Variants in DDX10 observed in about 807,000 individuals in gnomAD.
DDX10 encodes probable ATP-dependent RNA helicase DDX10.
A neutral mutation model predicts 104.3 loss-of-function variants in DDX10; 74 were observed. That is an observed-to-expected ratio of 0.71 (90% CI 0.59 to 0.86). The LOEUF (loss-of-function observed/expected upper bound fraction) is 0.86, where lower values mean the gene tolerates loss of function less well. Among genes scored for constraint, DDX10 ranks in the 40% least tolerant of loss-of-function variants. DDX10 has a pLI of 0.00. For synonymous variants in DDX10, 351 were observed against 353.4 expected (o/e 0.99, Z 0.08); for missense variants, 952 against 1,040.0 (o/e 0.92, Z 1.16).
chr11:108,791,636 C>T (rs1200319569), intron 13 of DDX10, among the ~76,000 whole-genome samples: 1 of 152,196 alleles, frequency 6.6e-6, no homozygotes, highest in Non-Finnish European at 1.5e-5. Context: ...TCCTCAGCCC[C>T]TGGCAACTGA....
chr11:108,891,764 T>C (rs951485411), intron 16 of DDX10, among the ~76,000 whole-genome samples: 4 of 152,144 alleles, frequency 2.6e-5, no homozygotes, highest in African/African-American at 7.2e-5. Context: ...ATTGTTGTCA[T>C]AATTTACACT....
intron 13 of DDX10, among the ~76,000 whole-genome samples, chr11:108,740,841 C>T (rs750216501): frequency 2.2e-4 from 34 of 151,892 alleles, no homozygotes; most frequent in African/African-American, 4.3e-4. Context: ...TTTTGCTTGT[C>T]GATTTAAGTT....
intron 1 of DDX10, among the ~76,000 whole-genome samples, chr11:108,673,072 T>G (rs1460387303): frequency 6.6e-6 from 1 of 152,272 alleles, no homozygotes; most frequent in Non-Finnish European, 1.5e-5. Context: ...CTATTTTCAT[T>G]GTGATCTGTG....
At chr11:108,694,750 G>A (rs1360435518) in intron 9 of DDX10, among the ~76,000 whole-genome samples, 1 of 152,126 alleles carries the variant, frequency 6.6e-6, no homozygotes. Flanking sequence ...GAGTGGTGGT[G>A]TGCGCCTGTA....
intron 16 of DDX10, among the ~76,000 whole-genome samples, chr11:108,899,637 T>C (rs1863489026): frequency 6.6e-6 from 1 of 152,196 alleles, no homozygotes; most frequent in Non-Finnish European, 1.5e-5. Context: ...TCCTAAACTT[T>C]ACCTTTACCT....
intron 8 of DDX10, 110 bp from the exon 9 acceptor site, chr11:108,693,406 C>T: frequency 1.3e-6 from 1 of 790,912 alleles, no homozygotes; most frequent in Non-Finnish European, 2.3e-6. Flanking sequence ...AGATGATATC[C>T]ATCAGTTTGA....
chr11:108,826,326 T>C (rs558943613), intron 13 of DDX10, among the ~76,000 whole-genome samples: 1 of 152,176 alleles, frequency 6.6e-6, no homozygotes, highest in African/African-American at 2.4e-5. Flanking sequence ...ATGGCTGTCA[T>C]AGAGACATAG....
At chr11:108,934,352 T>C (rs529751937) in intron 17 of DDX10, among the ~76,000 whole-genome samples, 8 of 152,264 alleles carry the variant, frequency 5.3e-5, no homozygotes, top group Non-Finnish European at 8.8e-5. Flanking sequence ...AATAGAAGCA[T>C]GTTTACTTTG....
chr11:108,722,878 CA>C, intron 12 of DDX10, 118 bp from the exon 13 acceptor site: 1 of 1,419,482 alleles, frequency 7.0e-7, no homozygotes, highest in Non-Finnish European at 9.2e-7. Flanking sequence ...TTGTATCTCA[CA>C]GGAACATTTT....
At chr11:108,852,101 G>C in intron 15 of DDX10, 52 bp from the exon 16 acceptor site, 9 of 1,420,682 alleles carry the variant, frequency 6.3e-6, no homozygotes, top group Non-Finnish European at 8.8e-6. Context: ...TGTGTAGTCT[G>C]TTTTATACCT....
At chr11:108,714,597 G>T (rs2094288947) in intron 10 of DDX10, among the ~76,000 whole-genome samples, 1 of 150,916 alleles carries the variant, frequency 6.6e-6, no homozygotes, top group African/African-American at 2.4e-5. Flanking sequence ...ATGAGATGGA[G>T]AACTTGTTAA....
chr11:108,774,836 T>C (rs79531996), intron 13 of DDX10, among the ~76,000 whole-genome samples: 1 of 152,180 alleles, frequency 6.6e-6, no homozygotes, highest in Non-Finnish European at 1.5e-5. Context: ...GCAGCCTCTC[T>C]CCTCTCCAGT....
intron 16 of DDX10, among the ~76,000 whole-genome samples, chr11:108,883,578 C>T (rs1863256305): frequency 6.6e-6 from 1 of 152,158 alleles, no homozygotes; most frequent in African/African-American, 2.4e-5. Context: ...TTTCTAGAGT[C>T]TGCATTCATC....
chr11:108,802,665 G>T (rs975146882), intron 13 of DDX10, among the ~76,000 whole-genome samples: 1 of 152,112 alleles, frequency 6.6e-6, no homozygotes, highest in African/African-American at 2.4e-5. Context: ...AAACAAAAAA[G>T]TTTCCCAGAG....
intron 6 of DDX10, among the ~76,000 whole-genome samples, chr11:108,688,080 A>AT (rs2094247179): frequency 2.6e-5 from 4 of 152,200 alleles, no homozygotes; most frequent in Non-Finnish European, 5.9e-5. Context: ...CATAATAATT[A>AT]ATGTATGTGG....
chr11:108,672,997 A>G (rs1276299510), intron 1 of DDX10, among the ~76,000 whole-genome samples: 6 of 152,232 alleles, frequency 3.9e-5, no homozygotes, highest in African/African-American at 1.4e-4. Context: ...CTTTGAAAGG[A>G]TTGTGCTAAC....
At chr11:108,861,910 C>T (rs553699954) in intron 16 of DDX10, among the ~76,000 whole-genome samples, 1 of 152,256 alleles carries the variant, frequency 6.6e-6, no homozygotes, top group African/African-American at 2.4e-5. Flanking sequence ...CCTGTAGTCC[C>T]AGCTACTTGG....
chr11:108,899,830 C>T (rs974967916), intron 16 of DDX10, among the ~76,000 whole-genome samples: 3 of 152,038 alleles, frequency 2.0e-5, no homozygotes, highest in Non-Finnish European at 2.9e-5. Flanking sequence ...TGTGTAGTAC[C>T]GTGTCAGGTG....
intron 12 of DDX10, among the ~76,000 whole-genome samples, chr11:108,721,457 T>C (rs2134474672): frequency 1.3e-5 from 2 of 152,322 alleles, no homozygotes; most frequent in East Asian, 3.9e-4. Flanking sequence ...TACCTTGATA[T>C]TAGCAGATAG....
Sources: gnomAD v4.1 joint callset for allele counts (sites outside exome capture counted in the v4.1 genomes callset) on GRCh38, gnomAD v4.1.1 for gene constraint, MANE v1.5 for transcripts, NCBI Gene and HGNC (gene_info 2026-07-23, HGNC 2026-07-21) for gene names.